Variants in BRSK2 observed in about 807,000 individuals in gnomAD.
BRSK2 encodes BR serine/threonine kinase 2, also known as serine/threonine-protein kinase BRSK2.
BRSK2 carries 19 observed loss-of-function variants against 83.3 expected under a neutral mutation model. The observed-to-expected ratio is 0.23, with a 90% CI of 0.16 to 0.33. The LOEUF (loss-of-function observed/expected upper bound fraction) is 0.33, where lower values mean the gene tolerates loss of function less well. Among genes scored for constraint, BRSK2 ranks in the 10% least tolerant of loss-of-function variants. BRSK2 has a pLI of 1.00. For missense variants in BRSK2, 798 were observed against 1,042.3 expected (o/e 0.77, Z 3.23); for synonymous variants, 519 against 435.4 (o/e 1.19, Z -2.39).
rs563936788 is a variant in BRSK2 at position 1,397,247 on chromosome 11, T to C, written c.91+6872T>C. The stretch of plus-strand genomic sequence containing the variant: ...GGATGTCCGCCGGGCCAGGCTGCCC[T>C]GAGCCAGCTGCCTGGGGCTCTGGAC... On this transcript the variant is annotated intron_variant, in intron 1 of 19. Transcript: ENST00000528841. 2.4e-4 allele frequency among the ~76,000 whole-genome samples: 36 copies of C among 152,328 alleles called. 1 individual carries two copies. Among genetic ancestry groups the C allele is most frequent in the African/African-American group, 7.9e-4 (33 of 41,588 alleles).
rs1166943977 is a variant in BRSK2, at chr11:1,410,178, G to T, written c.91+19803G>T. Reference sequence around the variant, plus strand: ...CGAGTTCGTGTTTGGGGGGGTTTGTGACGTCGGCCTCGCAGAGTGGTGACG... The same window carrying T: ...CGAGTTCGTGTTTGGGGGGGTTTGTTACGTCGGCCTCGCAGAGTGGTGACG... On this transcript the variant is annotated intron_variant, in intron 1 of 19. Coordinates refer to ENST00000528841, the MANE Select transcript of BRSK2 (RefSeq NM_001256627.2). Among the ~76,000 whole-genome samples, 4 of 82,180 alleles carry T rather than the reference G, an allele frequency of 4.9e-5. No individual in the cohort carries two copies. The Admixed American group carries it at 5.4e-4, about 11-fold the overall frequency. 53.9% of individuals were successfully genotyped at this position (82,180 alleles called of 152,430 possible).
At chr11:1,450,359 C>T (rs1047067140) in intron 13 of BRSK2, among the ~76,000 whole-genome samples, 9 of 152,118 alleles carry the variant, frequency 5.9e-5, no homozygotes, top group Admixed American at 2.0e-4. Context: ...GGCCGCCCTG[C>T]GGCCCGACCC....
At chr11:1,410,153 C>T (rs1277885185) in intron 1 of BRSK2, among the ~76,000 whole-genome samples, 7 of 47,944 alleles carry the variant, frequency 1.5e-4, no homozygotes, top group Non-Finnish European at 2.3e-4. Context: ...GGGTTTGTGA[C>T]GAGTTCGTGT....
In BRSK2 at chr11:1,442,919, G is replaced by A. The variant is rs548531656; in HGVS notation, c.531-187G>A. The stretch of plus-strand genomic sequence containing the variant: ...GCCGAGTGGGCAGACAGCTTTGGGC[G>A]CAGCAGAGACCCAGTGCCCCACCTT... On this transcript the variant is annotated intron_variant, in intron 5 of 19. Coordinates refer to ENST00000528841, the MANE Select transcript of BRSK2 (RefSeq NM_001256627.2). 1.8e-4 allele frequency among the ~76,000 whole-genome samples: 27 copies of A among 152,244 alleles called. No homozygotes were observed. In the South Asian group the frequency reaches 4.8e-3, roughly 27 times the overall value.
Position 1,444,729 on chromosome 11 carries a change from C to T in BRSK2, c.781-242C>T, listed in dbSNP as rs368958648. Among the ~76,000 whole-genome samples, 28 of 151,458 alleles carry T rather than the reference C, an allele frequency of 1.8e-4. 2 individuals are homozygous for T. Among genetic ancestry groups the T allele is most frequent in the East Asian group, 1.4e-3 (7 of 5,090 alleles). ...TCCGACTCCAGCTCCCCCGACTTCT[C>T]TCCTCCTTGAGGTGTGTGTTTTCTT... On this transcript the variant is annotated intron_variant, in intron 8 of 19. Transcript: ENST00000528841.
intron 15 of BRSK2, among the ~76,000 whole-genome samples, chr11:1,452,780 C>G (rs1403821572): frequency 3.3e-5 from 5 of 152,290 alleles, no homozygotes; most frequent in Admixed American, 2.6e-4. Context: ...TGTGACAGCC[C>G]TTATTGAGGG....
chr11:1,441,972 C>T (rs1407248657), intron 4 of BRSK2, among the ~76,000 whole-genome samples: 4 of 73,062 alleles, frequency 5.5e-5, no homozygotes, highest in Admixed American at 2.5e-4. Flanking sequence ...CATTAGCTAC[C>T]CCTCAAGTGC....
In BRSK2 at chr11:1,423,926, C is replaced by T. The variant is rs941198684; in HGVS notation, c.92-12114C>T. 5.3e-5 allele frequency among the ~76,000 whole-genome samples: 8 copies of T among 152,298 alleles called. No homozygotes were observed. Among genetic ancestry groups the T allele is most frequent in the South Asian group, 2.1e-4 (1 of 4,830 alleles). ...CTCACGTGGCGCCCCCATCCCACCCCGTGTGTCCCCAGCCACACTTTCCTC... is the reference window on the plus strand; with the variant it reads ...CTCACGTGGCGCCCCCATCCCACCCTGTGTGTCCCCAGCCACACTTTCCTC... On this transcript the variant is annotated intron_variant, in intron 1 of 19. Transcript: ENST00000528841. This position sits in a 1 kb window ranked among gnomAD's most constrained non-coding sequence, Gnocchi z 6.5.
chr11:1,442,143 G>T (rs1851429036), intron 4 of BRSK2, among the ~76,000 whole-genome samples: 1 of 151,446 alleles, frequency 6.6e-6, no homozygotes, highest in Non-Finnish European at 1.5e-5. Flanking sequence ...GGAGCCCCTC[G>T]GCCTTTCCAG....
intron 1 of BRSK2, among the ~76,000 whole-genome samples, chr11:1,398,841 G>T (rs1250472112): frequency 6.6e-6 from 1 of 152,166 alleles, no homozygotes; most frequent in East Asian, 1.9e-4. Flanking sequence ...CCAGGTCCTT[G>T]GTAGGCGCCA....
At chr11:1,451,525 G>C in intron 15 of BRSK2, 106 bp downstream of exon 15, 1 of 1,202,354 alleles carries the variant, frequency 8.3e-7, no homozygotes, top group Non-Finnish European at 1.2e-6. Context: ...TTCTCCACGT[G>C]GCCCCACCTC....
At chr11:1,419,173 T>A (rs1310483206) in intron 1 of BRSK2, among the ~76,000 whole-genome samples, 1 of 145,484 alleles carries the variant, frequency 6.9e-6, no homozygotes, top group Non-Finnish European at 1.5e-5. Context: ...CTCAGCTGTG[T>A]TTGTGGGCTC....
Position 1,411,213 on chromosome 11 carries a change from G to A in BRSK2, c.91+20838G>A, listed in dbSNP as rs370191896. The A allele has an allele frequency of 1.2e-4, 155 of 1,244,422 alleles. No homozygotes were observed. The African/African-American group carries it at 1.7e-3, about 13-fold the overall frequency. The allele number at this position is 1,244,422 out of a possible 1,614,324, so 77.1% of individuals were successfully genotyped here. On this transcript the variant is annotated intron_variant, in intron 1 of 19. Transcript: ENST00000528841. ...GAGCCAGCCTTGCTGAGGGGAGAGC[G>A]GGTTCTGGACGTGCTCTGAGCTTCC...
chr11:1,408,577 A>C (rs1201240543), intron 1 of BRSK2, among the ~76,000 whole-genome samples: 1 of 152,092 alleles, frequency 6.6e-6, no homozygotes, highest in Admixed American at 6.5e-5. Flanking sequence ...CCTCAAGGAC[A>C]CCCCTGTGGC....
At position 1,413,332 on chromosome 11, in the gene BRSK2, C is replaced by T. The variant is rs531186843; in HGVS notation, c.92-22708C>T. ...TGGCCCACCCCTCCCACCCCTGCAG[C>T]CCCTTGCAGGGGCCACGGGGAGACT... On this transcript the variant is annotated intron_variant, in intron 1 of 19. Transcript: ENST00000528841. Among the ~76,000 whole-genome samples the T allele has an allele frequency of 1.6e-3, 237 of 152,258 alleles. 1 individual carries two copies. The highest frequency in any genetic ancestry group is 1.9e-3 in the Non-Finnish European group (126 of 67,978).
chr11:1,461,881 G>C lies in BRSK2; in HGVS notation c.*1158G>C, dbSNP rs1344035334. 3 of 69,826 alleles carry C rather than the reference G, an allele frequency of 4.3e-5. No homozygotes were observed. Among genetic ancestry groups the C allele is most frequent in the Non-Finnish European group, 9.1e-5 (3 of 32,914 alleles). The allele number at this position is 69,826 out of a possible 1,614,324, so 4.3% of individuals were successfully genotyped here. A position where few individuals can be genotyped will look rare whatever the true frequency, so the allele number is the denominator to read the frequency against. ...AGACGGTGCGGCTCGCTCTGTCATG[G>C]GTTCCGTCTCTCTGTGGAGAAGCAG... On this transcript the variant is annotated 3_prime_UTR_variant, in exon 20 of 20. Coordinates refer to ENST00000528841, the MANE Select transcript of BRSK2 (RefSeq NM_001256627.2).
At chr11:1,456,882 C>T (rs949453051) in intron 18 of BRSK2, 195 bp downstream of exon 18, 224 of 1,525,174 alleles carry the variant, frequency 1.5e-4, no homozygotes, top group Non-Finnish European at 1.7e-4. Flanking sequence ...CGGGACCACC[C>T]GCCTCGCCTC....
intron 1 of BRSK2, among the ~76,000 whole-genome samples, chr11:1,391,607 C>T (rs57668601): frequency 0.096 from 14,610 of 152,208 alleles, 2,223 homozygotes; most frequent in African/African-American, 0.33. Flanking sequence ...GGCCCCTGGC[C>T]ACAGGGCAGG....
rs911215989 is a variant in BRSK2 at position 1,423,784 on chromosome 11, C to T, written c.92-12256C>T. On this transcript the variant is annotated intron_variant, in intron 1 of 19. Coordinates refer to ENST00000528841, the MANE Select transcript of BRSK2 (RefSeq NM_001256627.2). The surrounding 1 kb of genome is among the most constrained non-coding windows in gnomAD (Gnocchi z 6.5). ...CCCAGGCCTCCCCCGCTGGGCGTTC[C>T]GGGTGCCCCAGGCCTCCCCCGCTGG... is the stretch of plus-strand genomic sequence containing the variant. Among the ~76,000 whole-genome samples the T allele has an allele frequency of 4.7e-5, 7 of 147,706 alleles. No homozygotes were observed. The highest frequency in any genetic ancestry group is 7.5e-5 in the Non-Finnish European group (5 of 66,402).
Sources: allele counts gnomAD v4.1 joint callset (sites outside exome capture counted in the v4.1 genomes callset), GRCh38; gene constraint gnomAD v4.1.1; non-coding constraint Gnocchi (gnomAD v3.1); transcripts MANE v1.5; gene names NCBI Gene and HGNC (gene_info 2026-07-23, HGNC 2026-07-21).